Variants in GRIK4 observed in about 807,000 individuals in gnomAD.
GRIK4 encodes glutamate receptor ionotropic, kainate 4.
GRIK4 carries 40 observed loss-of-function variants against 104.9 expected under a neutral mutation model. That is an observed-to-expected ratio of 0.38 (90% CI 0.30 to 0.50). GRIK4 has a LOEUF of 0.50. GRIK4 is among the 20% of genes least tolerant of loss of function. The pLI, the probability that GRIK4 is intolerant of heterozygous loss-of-function variation, is 0.93. For synonymous variants in GRIK4, 485 were observed against 524.9 expected (o/e 0.92, Z 1.04); for missense variants, 1,047 against 1,308.1 (o/e 0.80, Z 3.08).
intron 1 of GRIK4, among the ~76,000 whole-genome samples, chr11:120,597,090 T>A (rs1417103637): frequency 6.6e-6 from 1 of 152,190 alleles, no homozygotes; most frequent in Non-Finnish European, 1.5e-5. Context: ...ACTGGGGGCC[T>A]CAGGACCCCT....
At chr11:120,900,517 A>C (rs1454813526) in intron 12 of GRIK4, among the ~76,000 whole-genome samples, 2 of 139,080 alleles carry the variant, frequency 1.4e-5, no homozygotes, top group East Asian at 5.5e-4. Flanking sequence ...TCCAGCAAGG[A>C]ATGTGTGATA....
At chr11:120,826,811 G>A (rs940922465) in intron 6 of GRIK4, among the ~76,000 whole-genome samples, 2 of 152,316 alleles carry the variant, frequency 1.3e-5, no homozygotes, top group Non-Finnish European at 2.9e-5. Context: ...TTGGGATGCA[G>A]GTAAAATACG....
chr11:120,591,646 A>G (rs186507604), intron 1 of GRIK4, among the ~76,000 whole-genome samples: 19 of 152,188 alleles, frequency 1.2e-4, no homozygotes, highest in Non-Finnish European at 2.2e-4. Flanking sequence ...AAGTTCCCCT[A>G]GTCAGTACTA....
At chr11:120,921,467 A>G (rs17124554) in intron 13 of GRIK4, among the ~76,000 whole-genome samples, 4,353 of 152,304 alleles carry the variant, frequency 0.029, 222 homozygotes, top group African/African-American at 0.098. Flanking sequence ...GACCAGTTGT[A>G]GGTTTTCGGA....
intron 1 of GRIK4, among the ~76,000 whole-genome samples, chr11:120,517,878 A>G (rs1947750293): frequency 6.6e-6 from 1 of 152,176 alleles, no homozygotes; most frequent in Admixed American, 6.5e-5. Flanking sequence ...AGAGTTAAAG[A>G]GGAGGATTTA....
At chr11:120,893,558 G>A (rs1029187547) in intron 11 of GRIK4, among the ~76,000 whole-genome samples, 5 of 152,192 alleles carry the variant, frequency 3.3e-5, no homozygotes, top group Non-Finnish European at 7.3e-5. Flanking sequence ...GAATACAGTG[G>A]GGGTGGGAAT....
At chr11:120,648,097 GA>G (rs1207871127) in intron 1 of GRIK4, among the ~76,000 whole-genome samples, 1 of 152,256 alleles carries the variant, frequency 6.6e-6, no homozygotes, top group African/African-American at 2.4e-5. Flanking sequence ...TGAGAGCAGG[GA>G]TGACCCACTT....
Position 120,905,403 on chromosome 11 carries a change from C to A in GRIK4, c.1386C>A (p.Asn462Lys), listed in dbSNP as rs1177363030. 1.1e-5 allele frequency: 18 copies of A among 1,614,014 alleles called. No homozygotes were observed. The highest frequency in any genetic ancestry group is 1.4e-5 in the Non-Finnish European group (17 of 1,179,972). ...AGCTGGCAGAGATCCTCCGATTCAACTACAAGATCCGCCTGGTTGGGGATG... is the reference window on the plus strand; with the variant it reads ...AGCTGGCAGAGATCCTCCGATTCAAATACAAGATCCGCCTGGTTGGGGATG... ...LKELAEILRF[N>K]YKIRLVGDGV... The change falls in exon 13 of 21, where the codon AAC becomes AAA. Residue 462 changes from asparagine to lysine, a missense_variant. Coordinates refer to ENST00000527524, the MANE Select transcript of GRIK4 (RefSeq NM_014619.5). This position sits in a 1 kb window ranked among gnomAD's most constrained non-coding sequence, Gnocchi z 5.1.
chr11:120,569,439 A>G (rs1948370217), intron 1 of GRIK4, among the ~76,000 whole-genome samples: 1 of 152,236 alleles, frequency 6.6e-6, no homozygotes, highest in Admixed American at 6.5e-5. Flanking sequence ...TTGGACTGGA[A>G]CAGATACTAT....
chr11:120,781,066 G>A (rs1387127248), intron 3 of GRIK4, among the ~76,000 whole-genome samples: 2 of 151,478 alleles, frequency 1.3e-5, no homozygotes, highest in African/African-American at 4.9e-5. Context: ...TATAGTGGCT[G>A]TACCATTTTA....
At chr11:120,750,907 C>G (rs964620373) in intron 3 of GRIK4, among the ~76,000 whole-genome samples, 1 of 152,174 alleles carries the variant, frequency 6.6e-6, no homozygotes, top group Admixed American at 6.5e-5. Context: ...AAATTAAATT[C>G]AGATCACACA....
intron 1 of GRIK4, among the ~76,000 whole-genome samples, chr11:120,548,723 C>G (rs1948110450): frequency 6.6e-6 from 1 of 152,150 alleles, no homozygotes; most frequent in African/African-American, 2.4e-5. Flanking sequence ...CACCCCAGAG[C>G]AGAGGCACAT....
intron 11 of GRIK4, among the ~76,000 whole-genome samples, chr11:120,885,913 G>C (rs1955106907): frequency 6.6e-6 from 1 of 152,172 alleles, no homozygotes; most frequent in South Asian, 2.1e-4. Context: ...TGGAATCTCT[G>C]AGAACAGCCA....
intron 3 of GRIK4, among the ~76,000 whole-genome samples, chr11:120,692,938 G>T (rs1950390257): frequency 6.6e-6 from 1 of 151,752 alleles, no homozygotes; most frequent in Non-Finnish European, 1.5e-5. Context: ...CACCATGTTG[G>T]CCAGGCTGGT....
intron 3 of GRIK4, among the ~76,000 whole-genome samples, chr11:120,668,109 A>AGATG (rs896149205): frequency 1.6e-4 from 21 of 128,090 alleles, no homozygotes; most frequent in Admixed American, 3.2e-4. Flanking sequence ...ATGGATAGAT[A>AGATG]GATAGATAGA....
At chr11:120,949,107 C>T (rs1943937329) in intron 14 of GRIK4, among the ~76,000 whole-genome samples, 1 of 152,166 alleles carries the variant, frequency 6.6e-6, no homozygotes, top group African/African-American at 2.4e-5. Flanking sequence ...AATGTCATTT[C>T]TTCCAGTATA....
In GRIK4 at chr11:120,986,248, C is replaced by T. The variant is rs770493339; in HGVS notation, c.2859C>T (p.Ser953=). 3 of 1,561,596 alleles carry T rather than the reference C, an allele frequency of 1.9e-6. No homozygotes were observed. The highest frequency in any genetic ancestry group is 1.1e-5 in the South Asian group (1 of 88,212). ...SLEWEKTTNS[S]EPE ...AGTGGGAGAAAACCACCAACAGCAG[C>T]GAGCCCGAGTAGTCCCGGAGGCCAC... Residue 953 remains serine, a synonymous_variant, in exon 21 of 21, where the codon AGC becomes AGT. Coordinates refer to ENST00000527524, the MANE Select transcript of GRIK4 (RefSeq NM_014619.5).
rs564129518 is a variant in GRIK4 at position 120,944,613 on chromosome 11, G to T, written c.1590+4153G>T. Among the ~76,000 whole-genome samples the T allele has an allele frequency of 3.3e-5, 5 of 152,256 alleles. No individual in the cohort carries two copies. In the East Asian group the frequency reaches 9.6e-4, roughly 29 times the overall value. On this transcript the variant is annotated intron_variant, in intron 14 of 20. Coordinates refer to ENST00000527524, the MANE Select transcript of GRIK4 (RefSeq NM_014619.5). ...ACTGGGTATCCCCACTTGTGCCTTG[G>T]TTCAGGCTTTCCTAATCTCTACTGC...
At chr11:120,598,552 T>C (rs1270877880) in intron 1 of GRIK4, among the ~76,000 whole-genome samples, 1 of 152,196 alleles carries the variant, frequency 6.6e-6, no homozygotes, top group African/African-American at 2.4e-5. Context: ...ACTTAGTGGC[T>C]CAAGACAATG....
Sources: allele counts gnomAD v4.1 joint callset (sites outside exome capture counted in the v4.1 genomes callset), GRCh38; gene constraint gnomAD v4.1.1; non-coding constraint Gnocchi (gnomAD v3.1); transcripts MANE v1.5; gene names NCBI Gene and HGNC (gene_info 2026-07-23, HGNC 2026-07-21).